SRGAP1: variants seen among roughly 807,000 people sequenced by gnomAD.
SRGAP1 encodes SLIT-ROBO Rho GTPase activating protein 1.
Under a neutral mutation model 121.9 loss-of-function variants are expected in SRGAP1, and 43 were observed. That is an observed-to-expected ratio of 0.35 (90% confidence interval 0.28 to 0.46). The LOEUF is 0.46. Ranked by LOEUF, SRGAP1 falls within the 20% of genes least tolerant of loss-of-function variation. SRGAP1 has a pLI of 1.00. For synonymous variants in SRGAP1, 447 were observed against 485.4 expected (o/e 0.92, Z 1.04); for missense variants, 1,102 against 1,350.9 (o/e 0.82, Z 2.89).
intron 9 of SRGAP1, among the ~76,000 whole-genome samples, chr12:64,079,646 A>G (rs930026153): frequency 3.1e-4 from 47 of 152,072 alleles, no homozygotes; most frequent in African/African-American, 1.0e-3. Flanking sequence ...AGATCATTCT[A>G]CTGCACTCCA....
chr12:63,866,872 C>CT (rs796830805), intron 1 of SRGAP1, among the ~76,000 whole-genome samples: 3,842 of 141,102 alleles, frequency 0.027, 68 homozygotes, highest in Non-Finnish European at 0.032. Flanking sequence ...CATAACATTT[C>CT]TTTTTTTTTT....
At chr12:64,048,898 A>G (rs886994517) in intron 6 of SRGAP1, among the ~76,000 whole-genome samples, 2 of 152,066 alleles carry the variant, frequency 1.3e-5, no homozygotes, top group African/African-American at 4.8e-5. Context: ...TGCTCTGGTT[A>G]TTTATCTCTT....
chr12:64,042,773 G>T lies in SRGAP1; in HGVS notation c.490-17G>T. The stretch of plus-strand genomic sequence containing the variant: ...ACAGACAGACATCTTGTAACAATTT[G>T]GGTCACTTTTCCACAGGTGATGAAA... On this transcript the variant is annotated splice_polypyrimidine_tract_variant and intron_variant, in intron 4 of 21. Coordinates refer to ENST00000355086, the MANE Select transcript of SRGAP1 (RefSeq NM_020762.4). 6.2e-7 allele frequency: 1 copy of T among 1,603,360 alleles called. No homozygotes were observed. The highest frequency in any genetic ancestry group is 8.5e-7 in the Non-Finnish European group (1 of 1,171,640).
chr12:64,010,211 C>A (rs2034211440), intron 3 of SRGAP1, among the ~76,000 whole-genome samples: 1 of 152,122 alleles, frequency 6.6e-6, no homozygotes, highest in African/African-American at 2.4e-5. Flanking sequence ...ACTCAGCATA[C>A]AGTCTGGGTT....
chr12:63,915,115 G>A (rs1398841374), intron 1 of SRGAP1, among the ~76,000 whole-genome samples: 2 of 152,126 alleles, frequency 1.3e-5, no homozygotes, highest in African/African-American at 4.8e-5. Flanking sequence ...TCAAATAAAA[G>A]TATATTTGCT....
intron 2 of SRGAP1, among the ~76,000 whole-genome samples, chr12:63,987,507 G>C (rs1162052264): frequency 6.6e-6 from 1 of 152,186 alleles, no homozygotes; most frequent in Non-Finnish European, 1.5e-5. Flanking sequence ...TGGATAACCT[G>C]AGGTCAGGAG....
Position 64,142,866 on chromosome 12 carries a change from A to G in SRGAP1, c.*194A>G. The G allele has an allele frequency of 2.9e-6, 2 of 697,840 alleles. No individual in the cohort carries two copies. Among genetic ancestry groups the G allele is most frequent in the Non-Finnish European group, 4.7e-6 (2 of 429,782 alleles). 43.2% of individuals were successfully genotyped at this position (697,840 alleles called of 1,614,324 possible). A position where few individuals can be genotyped will look rare whatever the true frequency, so the allele number is the denominator to read the frequency against. ...CATTTGTATTTTGTAATTTTTTTAA[A>G]TAACTGGACATATGTCATTTTAAGG... On this transcript the variant is annotated 3_prime_UTR_variant, in exon 22 of 22. Coordinates refer to ENST00000355086, the MANE Select transcript of SRGAP1 (RefSeq NM_020762.4).
At chr12:63,970,643 A>T (rs1246449274) in intron 1 of SRGAP1, among the ~76,000 whole-genome samples, 3 of 152,148 alleles carry the variant, frequency 2.0e-5, no homozygotes, top group Non-Finnish European at 4.4e-5. Flanking sequence ...TTCAAAATTT[A>T]AATCTAATTA....
chr12:64,149,848 AATTT>A lies in SRGAP1; in HGVS notation c.*7180_*7183del, dbSNP rs1294375128. The A allele has an allele frequency of 6.6e-6, 1 of 152,216 alleles. No individual in the cohort carries two copies. Among genetic ancestry groups the A allele is most frequent in the African/African-American group, 2.4e-5 (1 of 41,448 alleles). The allele number at this position is 152,216 out of a possible 1,614,324, so 9.4% of individuals were successfully genotyped here. A position where few individuals can be genotyped will look rare whatever the true frequency, so the allele number is the denominator to read the frequency against. On this transcript the variant is annotated 3_prime_UTR_variant, in exon 22 of 22. Coordinates refer to ENST00000355086, the MANE Select transcript of SRGAP1 (RefSeq NM_020762.4). ...TTGGGAAACTGAGGCATGGGTTGGT[AATTT>A]ATTGAAGTTTAGTAAACGAATTTGA...
chr12:64,012,847 G>C (rs147431512), intron 3 of SRGAP1, among the ~76,000 whole-genome samples: 1 of 151,686 alleles, frequency 6.6e-6, no homozygotes, highest in African/African-American at 2.4e-5. Flanking sequence ...CACTACACCC[G>C]GCCTGTTTTC....
intron 1 of SRGAP1, among the ~76,000 whole-genome samples, chr12:63,970,652 T>A (rs948598048): frequency 2.0e-5 from 3 of 152,204 alleles, no homozygotes; most frequent in African/African-American, 7.2e-5. Context: ...TAAATCTAAT[T>A]ATATTGAAAG....
chr12:63,920,010 C>T (rs896257317), intron 1 of SRGAP1, among the ~76,000 whole-genome samples: 3 of 152,096 alleles, frequency 2.0e-5, no homozygotes, highest in African/African-American at 7.2e-5. Context: ...TCTCCATGGC[C>T]TATTGCTGGG....
intron 18 of SRGAP1, among the ~76,000 whole-genome samples, chr12:64,118,448 G>A (rs1193507024): frequency 6.6e-6 from 1 of 151,842 alleles, no homozygotes; most frequent in Admixed American, 6.6e-5. Flanking sequence ...TTTTTGTAGA[G>A]ATGGGCTTTT....
intron 6 of SRGAP1, among the ~76,000 whole-genome samples, chr12:64,058,254 C>CAAG (rs2035380440): frequency 1.3e-5 from 2 of 152,296 alleles, no homozygotes; most frequent in Admixed American, 1.3e-4. Context: ...TCTAGACTTT[C>CAAG]AATGGCTCAA....
At position 63,916,031 on chromosome 12, in the gene SRGAP1, TC is replaced by T. The variant is rs1379004190; in HGVS notation, c.68-67915del. Among the ~76,000 whole-genome samples the T allele has an allele frequency of 5.8e-3, 406 of 69,940 alleles. 5 individuals are homozygous for T. Among genetic ancestry groups the T allele is most frequent in the African/African-American group, 0.019 (386 of 20,258 alleles). 45.9% of individuals were successfully genotyped at this position (69,940 alleles called of 152,430 possible). ...AGAAATGGTGTCTTTTCTTTTCTTT[TC>T]TTTTTTTTTTTTTTTTTTGAGATGG... is the stretch of plus-strand genomic sequence containing the variant. On this transcript the variant is annotated intron_variant, in intron 1 of 21. Transcript: ENST00000355086.
In SRGAP1 at chr12:64,065,159, C is replaced by G; in HGVS notation, c.1065C>G (p.Leu355=). The G allele has an allele frequency of 6.2e-7, 1 of 1,613,744 alleles. No individual in the cohort carries two copies. Among genetic ancestry groups the G allele is most frequent in the Non-Finnish European group, 8.5e-7 (1 of 1,179,904 alleles). ...CCCAGCAGCCAGTCCAGGCAGAGCT[C>G]ATGCTCAGGTACCAACAGTTGCAGT... ...VSAQQPVQAE[L]MLRYQQLQSR... The change falls in exon 8 of 22, where the codon CTC becomes CTG. Residue 355 remains leucine, a synonymous_variant. Transcript: ENST00000355086.
chr12:64,019,744 A>G (rs1046621441), intron 4 of SRGAP1, among the ~76,000 whole-genome samples: 3 of 152,238 alleles, frequency 2.0e-5, no homozygotes, highest in African/African-American at 7.2e-5. Flanking sequence ...ACAGTGGAAC[A>G]ATATTTGGAG....
At chr12:63,885,711 CAGG>C (rs2136290985) in intron 1 of SRGAP1, among the ~76,000 whole-genome samples, 1 of 152,282 alleles carries the variant, frequency 6.6e-6, no homozygotes, top group South Asian at 2.1e-4. Flanking sequence ...AGAAGAAAAA[CAGG>C]AGAAGTTCAG....
Position 64,072,156 on chromosome 12 carries a change from G to GT in SRGAP1, c.1126-6763_1126-6762insT, listed in dbSNP as rs944782076. On this transcript the variant is annotated intron_variant, in intron 8 of 21. Transcript: ENST00000355086. The stretch of plus-strand genomic sequence containing the variant: ...TGTGTGTGTGTGTGTGTGGGCGGCG[G>GT]GGGGGGGCTCTTTCTGCTAATTTTT... 8.2e-4 allele frequency among the ~76,000 whole-genome samples: 121 copies of GT among 147,918 alleles called. 9 individuals are homozygous for GT. Among genetic ancestry groups the GT allele is most frequent in the African/African-American group, 1.5e-3 (61 of 40,422 alleles).
Sources: gnomAD v4.1 joint callset for allele counts (sites outside exome capture counted in the v4.1 genomes callset) on GRCh38, gnomAD v4.1.1 for gene constraint, MANE v1.5 for transcripts, NCBI Gene and HGNC (gene_info 2026-07-23, HGNC 2026-07-21) for gene names.